Variants in TAF1D observed in about 807,000 individuals in gnomAD.
The protein encoded by TAF1D is TATA-box binding protein associated factor, RNA polymerase I subunit D, also known as TATA box-binding protein-associated factor RNA polymerase I subunit D.
A neutral mutation model predicts 26.2 loss-of-function variants in TAF1D; 23 were observed. The ratio of observed to expected loss-of-function variants is 0.88; its 90% CI spans 0.63 to 1.25. The LOEUF is 1.25. TAF1D is among the 50% of genes most tolerant of loss of function. The probability of loss-of-function intolerance (pLI) is 0.00; values close to 1 mark genes in which losing one functional copy is unlikely to be tolerated. For missense variants in TAF1D, 299 were observed against 322.0 expected, an observed-to-expected ratio of 0.93 and a Z score of 0.55; for synonymous variants, 100 against 105.6, an observed-to-expected ratio of 0.95 and a Z score of 0.33.
At chr11:93,730,324 A>T (rs1938283434) in exon 12 of TAF1D, 1 of 1,211,772 alleles carries the variant, frequency 8.3e-7, no homozygotes, top group African/African-American at 1.5e-5. Context: ...CATTAGACAA[A>T]ATTATTTAAA....
At chr11:93,731,616 C>G (rs745568158), downstream of TAF1D, 2 of 513,360 alleles carry the variant, frequency 3.9e-6, no homozygotes, top group Non-Finnish European at 7.8e-6. Context: ...AAGCCTAGTC[C>G]TTTTTTTTAC....
rs572064299 is a variant in TAF1D, at chr11:93,737,660, A to T, written c.460-421T>A. On this transcript the variant is annotated intron_variant, in intron 3 of 5. Coordinates refer to ENST00000448108, the MANE Select transcript of TAF1D (RefSeq NM_024116.4). ...TTCAACATACAACTCTCAAATATTT[A>T]AAAAAGTCTACTCCTAAGTATTAGC... is the stretch of plus-strand genomic sequence containing the variant. Among the ~76,000 whole-genome samples the T allele has an allele frequency of 2.6e-5, 4 of 152,360 alleles. No homozygotes were observed. The South Asian group carries it at 6.2e-4, about 24-fold the overall frequency.
intron 4 of TAF1D, 32 bp from the exon 5 acceptor site, chr11:93,736,783 A>T (rs2135498015): frequency 6.3e-7 from 1 of 1,587,276 alleles, no homozygotes; most frequent in South Asian, 1.1e-5. Context: ...TCGAGATGAC[A>T]GAATCTTCGA....
downstream of TAF1D, chr11:93,734,997 CA>C: frequency 8.3e-7 from 1 of 1,211,480 alleles, no homozygotes; most frequent in Non-Finnish European, 1.1e-6. Flanking sequence ...CTCCTGGTTT[CA>C]AGCAATACTC....
rs367839294 is a variant in TAF1D at position 93,738,404 on chromosome 11, G to A, written c.164C>T (p.Thr55Ile). The part of the protein sequence containing the change: ...KRNPIRKFVR[T>I]PESVHASDSS... ...ATCACTTGCGTGAACACTTTCAGGT[G>A]TACGAACAAATTTTCGAATGGGGTT... The change falls in exon 3 of 6, where the codon ACA (threonine) becomes ATA (isoleucine). Residue 55 changes from threonine (T) to isoleucine (I), a missense_variant. Thr to Ile is a moderately conservative substitution (Grantham distance 89, BLOSUM62 -1). Transcript: ENST00000448108. 5.0e-6 allele frequency: 8 copies of A among 1,613,540 alleles called. 1 individual carries two copies. The Admixed American group carries it at 6.7e-5, about 13-fold the overall frequency.
chr11:93,734,914 C>G (rs927438613), downstream of TAF1D: 39 of 791,668 alleles, frequency 4.9e-5, no homozygotes, highest in Middle Eastern at 1.1e-3. Flanking sequence ...CAGGCACATG[C>G]CCCAGTACCC....
downstream of TAF1D, chr11:93,731,362 T>C: frequency 2.7e-6 from 1 of 364,696 alleles, no homozygotes; most frequent in East Asian, 7.5e-5. Flanking sequence ...AAAATAGCTA[T>C]TTAAACTAAT....
downstream of TAF1D, chr11:93,733,421 T>C (rs778063579): frequency 1.3e-5 from 7 of 518,626 alleles, no homozygotes; most frequent in Admixed American, 5.8e-5. Flanking sequence ...GTAGATTATC[T>C]GGTTTTTCAT....
In TAF1D at chr11:93,736,140, C is replaced by A. The variant is rs777761872; in HGVS notation, c.*21G>T. 2 of 1,608,708 alleles carry A rather than the reference C, an allele frequency of 1.2e-6. No homozygotes were observed. The highest frequency in any genetic ancestry group is 1.3e-5 in the African/African-American group (1 of 74,816). ...GAAGTCGTTTTTTCTATATGCTTCA[C>A]CTTTGACATTCATGATCCTGTCACA... On this transcript the variant is annotated 3_prime_UTR_variant, in exon 6 of 6. Transcript: ENST00000448108.
In TAF1D at chr11:93,738,286, CT is replaced by C. The variant is rs746556335; in HGVS notation, c.281del (p.Lys94ArgfsTer26). The C allele has an allele frequency of 1.2e-5, 20 of 1,608,152 alleles. No homozygotes were observed. Among genetic ancestry groups the C allele is most frequent in the East Asian group, 8.9e-5 (4 of 44,838 alleles). On this transcript the variant is annotated frameshift_variant, in exon 3 of 6. Coordinates refer to ENST00000448108, the MANE Select transcript of TAF1D (RefSeq NM_024116.4). LOFTEE classifies it high-confidence loss of function. ...CTGTTGGCTGGTACCTCCTCTTTTT[CT>C]TTTTTTTATATCTCTTTTTCCTGTT... Reference protein sequence around the residue: ...FKNRKKRYKKKKKRRYQPTGR... With the variant: ...FKNRKKRYKKXKKRRYQPTGR...
chr11:93,730,330 T>G lies in TAF1D; in HGVS notation c.*1121A>C, dbSNP rs183608074. On this transcript the variant is annotated 3_prime_UTR_variant and NMD_transcript_variant, in exon 12 of 12. Coordinates refer to the TAF1D transcript ENST00000323981. The stretch of plus-strand genomic sequence containing the variant: ...TATATGTAGCATTAGACAAAATTAT[T>G]TAAAGTCAATAAATTGTTATTCGAG... The G allele has an allele frequency of 1.0e-3, 1,189 of 1,169,764 alleles. 12 individuals are homozygous for G. The African/African-American group carries it at 0.015, about 15-fold the overall frequency. The allele number at this position is 1,169,764 out of a possible 1,614,324, so 72.5% of individuals were successfully genotyped here.
chr11:93,738,520 T>A, intron 2 of TAF1D, 21 bp from the exon 3 acceptor site: 1 of 1,537,482 alleles, frequency 6.5e-7, no homozygotes. Flanking sequence ...GGGAAAAAAA[T>A]TAATTTCATC....
intron 3 of TAF1D, 116 bp downstream of exon 3, chr11:93,737,993 T>G: frequency 8.2e-7 from 1 of 1,214,326 alleles, no homozygotes; most frequent in Non-Finnish European, 1.1e-6. Flanking sequence ...TATAGAAGAG[T>G]ATCAAAATTG....
At chr11:93,730,999 T>C (rs1402781452), downstream of TAF1D, 3 of 518,470 alleles carry the variant, frequency 5.8e-6, no homozygotes, top group African/African-American at 1.9e-5. Flanking sequence ...AATAAGCTGA[T>C]TGCTAGCAAA....
chr11:93,733,261 T>C (rs2135450254), downstream of TAF1D: 1 of 519,196 alleles, frequency 1.9e-6, no homozygotes, highest in Non-Finnish European at 3.8e-6. Flanking sequence ...TCATGCCCGT[T>C]ATCATTCAGC....
downstream of TAF1D, chr11:93,732,838 T>C (rs545190938): frequency 1.7e-5 from 4 of 236,030 alleles, no homozygotes; most frequent in African/African-American, 9.2e-5. Flanking sequence ...TCCACACAGG[T>C]TTACGTGACT....
downstream of TAF1D, chr11:93,734,837 G>C: frequency 9.7e-7 from 1 of 1,035,406 alleles, no homozygotes; most frequent in Non-Finnish European, 1.3e-6. Context: ...GTACAGTGGT[G>C]CCATCAAAGC....
At chr11:93,740,494 T>G (rs1395694208) in intron 1 of TAF1D, among the ~76,000 whole-genome samples, 1 of 144,152 alleles carries the variant, frequency 6.9e-6, no homozygotes, top group Non-Finnish European at 1.5e-5. Context: ...TAAAGATAAC[T>G]ACTTATTTCA....
downstream of TAF1D, chr11:93,730,920 A>G (rs1938538435): frequency 2.1e-6 from 1 of 475,830 alleles, no homozygotes; most frequent in Admixed American, 2.4e-5. Flanking sequence ...CACTGATTTT[A>G]AAGAAAAATC....
Sources: allele counts gnomAD v4.1 joint callset (sites outside exome capture counted in the v4.1 genomes callset), GRCh38; gene constraint gnomAD v4.1.1; transcripts MANE v1.5; gene names NCBI Gene and HGNC (gene_info 2026-07-23, HGNC 2026-07-21).